The following MYO9B variants were observed in gnomAD, a reference collection of about 807,000 sequenced individuals.
The protein encoded by MYO9B is myosin IXB, also known as unconventional myosin-IXb.
Under a neutral mutation model 229.5 loss-of-function variants are expected in MYO9B, and 71 were observed. The observed-to-expected ratio is 0.31, with a 90% CI of 0.26 to 0.38. The LOEUF (loss-of-function observed/expected upper bound fraction) is 0.38, where lower values mean the gene tolerates loss of function less well. Ranked by LOEUF, MYO9B falls within the 10% of genes least tolerant of loss-of-function variation. The pLI, the probability that MYO9B is intolerant of heterozygous loss-of-function variation, is 1.00. For synonymous variants in MYO9B, 1,185 were observed against 1,235.8 expected (o/e 0.96, Z 0.86); for missense variants, 2,255 against 2,920.5 (o/e 0.77, Z 5.25).
In MYO9B at chr19:17,192,602, T is replaced by TAATA. The variant is rs36099788; in HGVS notation, c.2812-125_2812-122dup. 55 of 502,764 alleles carry TAATA rather than the reference T, an allele frequency of 1.1e-4. No homozygotes were observed. In the South Asian group the frequency reaches 2.5e-3, roughly 23 times the overall value. 31.1% of individuals were successfully genotyped at this position (502,764 alleles called of 1,614,324 possible). ...AGAGTGAGACTCCATCTCAAAAAAA[T>TAATA]AATAAATAAATAAATAAATAAAGCC... On this transcript the variant is annotated intron_variant, in intron 20 of 39. Transcript: ENST00000682292.
rs575864168 is a variant in MYO9B at position 17,139,998 on chromosome 19, G to A, written c.841-5399G>A. Among the ~76,000 whole-genome samples, 21 of 151,740 alleles carry A rather than the reference G, an allele frequency of 1.4e-4. 1 individual carries two copies. Among genetic ancestry groups the A allele is most frequent in the African/African-American group, 4.4e-4 (18 of 41,346 alleles). ...GGAGGTTGTGGTGAGCTGAGATCGC[G>A]CCATTGCACCCCAGCCTGGGCAACA... On this transcript the variant is annotated intron_variant, in intron 2 of 39. Transcript: ENST00000682292.
At chr19:17,192,575 A>T (rs2072996971) in intron 20 of MYO9B, among the ~76,000 whole-genome samples, 171 bp from the exon 21 acceptor site, 1 of 150,560 alleles carries the variant, frequency 6.6e-6, no homozygotes, top group Non-Finnish European at 1.5e-5. Flanking sequence ...AGCCTGGGCG[A>T]CAGAGTGAGA....
chr19:17,136,419 C>T (rs902385170), intron 2 of MYO9B, among the ~76,000 whole-genome samples: 2 of 152,080 alleles, frequency 1.3e-5, no homozygotes, highest in African/African-American at 2.4e-5. Context: ...CTAGAAAGAC[C>T]GCAGGGACCC....
chr19:17,145,944 A>G (rs1299509689), intron 3 of MYO9B, among the ~76,000 whole-genome samples: 3 of 150,630 alleles, frequency 2.0e-5, no homozygotes, highest in Admixed American at 1.3e-4. Context: ...GGATGGATGG[A>G]TGGATGGATG....
intron 14 of MYO9B, among the ~76,000 whole-genome samples, chr19:17,180,232 CAATA>C (rs80341285): frequency 6.8e-5 from 10 of 147,076 alleles, no homozygotes; most frequent in East Asian, 4.0e-4. Flanking sequence ...GACTCCGTCT[CAATA>C]AATAAATAAA....
intron 20 of MYO9B, among the ~76,000 whole-genome samples, chr19:17,192,064 C>A (rs989542741): frequency 6.6e-6 from 1 of 151,634 alleles, no homozygotes; most frequent in South Asian, 2.1e-4. Context: ...TCAACTGGTT[C>A]TCCTGCCTCA....
intron 26 of MYO9B, among the ~76,000 whole-genome samples, chr19:17,201,110 C>A (rs1334523685): frequency 6.6e-6 from 1 of 152,172 alleles, no homozygotes; most frequent in African/African-American, 2.4e-5. Context: ...GTGGTGCACA[C>A]CTGTAGTCCC....
At chr19:17,135,647 A>C (rs1369595674) in intron 2 of MYO9B, among the ~76,000 whole-genome samples, 2 of 152,152 alleles carry the variant, frequency 1.3e-5, no homozygotes, top group African/African-American at 4.8e-5. Context: ...CGCATACCAG[A>C]CGCGTGAGGT....
intron 14 of MYO9B, chr19:17,180,602 G>A (rs569196247): frequency 1.8e-4 from 32 of 175,418 alleles, no homozygotes; most frequent in Admixed American, 1.9e-4. Flanking sequence ...CACCCGCCTC[G>A]GCCTCTCAAA....
At chr19:17,203,053 G>A in intron 29 of MYO9B, 94 bp from the exon 30 acceptor site, 2 of 1,375,202 alleles carry the variant, frequency 1.5e-6, no homozygotes, top group Non-Finnish European at 1.0e-6. Flanking sequence ...TCTTGAATAA[G>A]TCACCCCTGA....
chr19:17,179,383 C>T (rs1371237065), intron 14 of MYO9B, among the ~76,000 whole-genome samples: 1 of 151,222 alleles, frequency 6.6e-6, no homozygotes, highest in Non-Finnish European at 1.5e-5. Context: ...CCCACAGAGA[C>T]CCTCCCTAGG....
chr19:17,184,813 G>C (rs1287052916), intron 16 of MYO9B, 52 bp from the exon 17 acceptor site: 1 of 1,609,080 alleles, frequency 6.2e-7, no homozygotes, highest in Non-Finnish European at 8.5e-7. Flanking sequence ...ATGCCTCCCC[G>C]TGCCCGTGTG....
At chr19:17,168,125 G>A (rs1265600473) in intron 11 of MYO9B, 61 bp downstream of exon 11, 4 of 1,589,518 alleles carry the variant, frequency 2.5e-6, no homozygotes, top group Middle Eastern at 1.7e-4. Flanking sequence ...GTCAGGTTCT[G>A]CAGCCCCCAG....
At chr19:17,115,943 A>G (rs895326489) in intron 2 of MYO9B, among the ~76,000 whole-genome samples, 2 of 152,102 alleles carry the variant, frequency 1.3e-5, no homozygotes, top group African/African-American at 2.4e-5. Flanking sequence ...AGAGTCATAA[A>G]GCAGTTTGGG....
chr19:17,209,111 C>A (rs934589524), intron 35 of MYO9B, among the ~76,000 whole-genome samples: 3 of 152,120 alleles, frequency 2.0e-5, no homozygotes, highest in Non-Finnish European at 4.4e-5. Flanking sequence ...AGGCTGAGTT[C>A]CTCCCAATAA....
intron 11 of MYO9B, among the ~76,000 whole-genome samples, chr19:17,168,970 T>C (rs2072690448): frequency 6.6e-6 from 1 of 152,078 alleles, no homozygotes; most frequent in African/African-American, 2.4e-5. Flanking sequence ...GTCACTGAAA[T>C]CACGTGACAC....
intron 20 of MYO9B, among the ~76,000 whole-genome samples, chr19:17,192,003 G>A (rs1445178732): frequency 3.3e-5 from 5 of 151,654 alleles, no homozygotes; most frequent in African/African-American, 9.7e-5. Context: ...TTGCTCTGTT[G>A]CCCAGACAGG....
chr19:17,080,568 A>G (rs1168137450), intron 1 of MYO9B, among the ~76,000 whole-genome samples: 1 of 152,054 alleles, frequency 6.6e-6, no homozygotes, highest in Non-Finnish European at 1.5e-5. Flanking sequence ...AATCATCCCC[A>G]TAAAGACCCT....
chr19:17,107,756 T>C (rs2057806129), intron 2 of MYO9B, among the ~76,000 whole-genome samples: 1 of 152,230 alleles, frequency 6.6e-6, no homozygotes, highest in East Asian at 1.9e-4. Context: ...TTCACGTGGC[T>C]TTCTTATAAC....
Sources: gnomAD v4.1 joint callset for allele counts (sites outside exome capture counted in the v4.1 genomes callset) on GRCh38, gnomAD v4.1.1 for gene constraint, MANE v1.5 for transcripts, NCBI Gene and HGNC (gene_info 2026-07-23, HGNC 2026-07-21) for gene names.